The following ATP11A variants were observed in gnomAD, a reference collection of about 807,000 sequenced individuals.
ATP11A encodes phospholipid-transporting ATPase IH.
In ATP11A, 81 loss-of-function variants were observed where a neutral mutation model predicts 154.4. The observed-to-expected ratio is 0.52, with a 90% confidence interval of 0.44 to 0.63. ATP11A has a LOEUF of 0.63. ATP11A is among the 30% of genes least tolerant of loss of function. ATP11A has a pLI of 0.00. For missense variants in ATP11A, 1,316 were observed against 1,474.3 expected, an observed-to-expected ratio of 0.89 and a Z score of 1.76; for synonymous variants, 623 against 585.9, an observed-to-expected ratio of 1.06 and a Z score of -0.91.
rs1238293194 is a variant in ATP11A, at chr13:112,786,619, C to T, written c.162+1362C>T. On this transcript the variant is annotated intron_variant, in intron 2 of 29. Transcript: ENST00000375645. ...AGCTAAACCCAGGCACACGCGTGGA[C>T]GGGCTGCACATGGGGTAAACTGTGC... is the stretch of plus-strand genomic sequence containing the variant. 5.6e-5 allele frequency among the ~76,000 whole-genome samples: 7 copies of T among 125,118 alleles called. No homozygotes were observed. The East Asian group carries it at 6.8e-4, about 12-fold the overall frequency. 82.1% of individuals were successfully genotyped at this position (125,118 alleles called of 152,430 possible).
chr13:112,798,736 AG>A (rs1424538500), intron 2 of ATP11A, among the ~76,000 whole-genome samples: 1 of 152,238 alleles, frequency 6.6e-6, no homozygotes, highest in African/African-American at 2.4e-5. Context: ...CCAAGATGGC[AG>A]GAAAAGAGTA....
At chr13:112,724,834 CG>C (rs1472601337) in intron 1 of ATP11A, among the ~76,000 whole-genome samples, 1 of 152,184 alleles carries the variant, frequency 6.6e-6, no homozygotes, top group Non-Finnish European at 1.5e-5. Flanking sequence ...TGCTGGGCAC[CG>C]GAACAGAGGC....
chr13:112,706,624 A>G (rs34011672), intron 1 of ATP11A, among the ~76,000 whole-genome samples: 11,790 of 152,318 alleles, frequency 0.077, 500 homozygotes, highest in Middle Eastern at 0.12. Flanking sequence ...TGAAAATTAC[A>G]TTTAAGAGTA....
At chr13:112,692,081 G>T (rs1024701214) in intron 1 of ATP11A, among the ~76,000 whole-genome samples, 4 of 152,218 alleles carry the variant, frequency 2.6e-5, no homozygotes, top group Non-Finnish European at 5.9e-5. Context: ...CCCAATCACA[G>T]TGACTATAGG....
At position 112,780,407 on chromosome 13, in the gene ATP11A, T is replaced by TGGGCATTTCC. The variant is rs576091837; in HGVS notation, c.40-4727_40-4718dup. On this transcript the variant is annotated intron_variant, in intron 1 of 29. Coordinates refer to ENST00000375645, the MANE Select transcript of ATP11A (RefSeq NM_015205.3). ...CCCCCGTCTCTGCGTTCGCCTTTTC[T>TGGGCATTTCC]GGGCATTTCCTCAGAATGGACTCAC... Among the ~76,000 whole-genome samples the TGGGCATTTCC allele has an allele frequency of 8.7e-3, 1,319 of 152,332 alleles. 19 individuals are homozygous for TGGGCATTTCC. The highest frequency in any genetic ancestry group is 0.016 in the Non-Finnish European group (1,081 of 68,030).
chr13:112,725,504 C>T (rs764704643), intron 1 of ATP11A, among the ~76,000 whole-genome samples: 10 of 152,234 alleles, frequency 6.6e-5, no homozygotes, highest in East Asian at 1.9e-4. Context: ...TGATAGGCTG[C>T]GTCTGCACGC....
intron 1 of ATP11A, among the ~76,000 whole-genome samples, chr13:112,707,244 T>G (rs1015499630): frequency 2.0e-5 from 3 of 152,026 alleles, no homozygotes; most frequent in African/African-American, 4.8e-5. Flanking sequence ...GGTGAAACCT[T>G]GTCTCTACCA....
At chr13:112,759,650 T>C (rs2076920565) in intron 1 of ATP11A, among the ~76,000 whole-genome samples, 1 of 152,216 alleles carries the variant, frequency 6.6e-6, no homozygotes, top group Admixed American at 6.5e-5. Context: ...TATCATCTGC[T>C]TACTGTGTAA....
chr13:112,752,500 C>CTGTGA (rs2076717987), intron 1 of ATP11A, among the ~76,000 whole-genome samples: 1 of 152,166 alleles, frequency 6.6e-6, no homozygotes, highest in African/African-American at 2.4e-5. Context: ...GCGGAGCGGG[C>CTGTGA]TGTGAGGGAC....
chr13:112,882,659 G>A lies in ATP11A; in HGVS notation c.*793G>A. ...CACCGGCCGCCTCGTGGAGAAGGCA[G>A]TGCCACGTGGGAGGACAAGGCCACG... On this transcript the variant is annotated 3_prime_UTR_variant, in exon 30 of 30. Transcript: ENST00000375645. The surrounding 1 kb of genome is among the most constrained non-coding windows in gnomAD (Gnocchi z 5.1). 2.5e-6 allele frequency: 1 copy of A among 400,270 alleles called. No individual in the cohort carries two copies. The highest frequency in any genetic ancestry group is 4.4e-6 in the Non-Finnish European group (1 of 227,436). 24.8% of individuals were successfully genotyped at this position (400,270 alleles called of 1,614,324 possible).
At chr13:112,724,695 C>A (rs983713878) in intron 1 of ATP11A, among the ~76,000 whole-genome samples, 2 of 152,104 alleles carry the variant, frequency 1.3e-5, no homozygotes, top group Admixed American at 6.5e-5. Flanking sequence ...GCCGGCCCCC[C>A]CCCAGGAAGC....
intron 1 of ATP11A, among the ~76,000 whole-genome samples, chr13:112,783,371 A>C (rs2077545038): frequency 6.6e-6 from 1 of 152,178 alleles, no homozygotes; most frequent in Non-Finnish European, 1.5e-5. Flanking sequence ...AGCATTTACA[A>C]GTGTCTGTGC....
chr13:112,872,454 C>T (rs1181990970), intron 26 of ATP11A, among the ~76,000 whole-genome samples: 3 of 152,138 alleles, frequency 2.0e-5, no homozygotes, highest in African/African-American at 7.2e-5. Context: ...TTACTAAAAA[C>T]ACAAAAAGTA....
intron 2 of ATP11A, among the ~76,000 whole-genome samples, chr13:112,792,659 G>A (rs1307472499): frequency 1.3e-5 from 2 of 151,216 alleles, no homozygotes; most frequent in East Asian, 3.8e-4. Context: ...CTTCTTGGGG[G>A]AGAGACTTTG....
intron 17 of ATP11A, 54 bp downstream of exon 17, chr13:112,842,433 A>G: frequency 1.6e-6 from 2 of 1,278,354 alleles, no homozygotes; most frequent in Non-Finnish European, 2.2e-6. Flanking sequence ...TGCTGTCAGG[A>G]AGGAATTCCA....
intron 29 of ATP11A, 62 bp from the exon 30 acceptor site, chr13:112,881,814 A>C (rs746555281): frequency 4.4e-6 from 6 of 1,367,218 alleles, no homozygotes; most frequent in South Asian, 1.1e-5. Flanking sequence ...TTCTCTCAGC[A>C]GAATGGGTGC....
At chr13:112,742,210 C>T (rs1891636813) in intron 1 of ATP11A, among the ~76,000 whole-genome samples, 1 of 152,210 alleles carries the variant, frequency 6.6e-6, no homozygotes, top group African/African-American at 2.4e-5. Flanking sequence ...TAAGTGCAGG[C>T]TCATGTAGAG....
intron 17 of ATP11A, among the ~76,000 whole-genome samples, chr13:112,847,556 C>T (rs1469797274): frequency 6.6e-6 from 1 of 152,220 alleles, no homozygotes; most frequent in Non-Finnish European, 1.5e-5. Context: ...TGCTGAAAAG[C>T]ATTTGATTAC....
chr13:112,837,368 C>T (rs969624405), intron 16 of ATP11A, among the ~76,000 whole-genome samples: 12 of 152,248 alleles, frequency 7.9e-5, no homozygotes, highest in African/African-American at 2.9e-4. Context: ...TCTCCCGGAC[C>T]TCAGCCCCAT....
Sources: gnomAD v4.1 joint callset for allele counts (sites outside exome capture counted in the v4.1 genomes callset) on GRCh38, gnomAD v4.1.1 for gene constraint, Gnocchi (gnomAD v3.1) non-coding constraint, MANE v1.5 for transcripts, NCBI Gene and HGNC (gene_info 2026-07-23, HGNC 2026-07-21) for gene names.